IQGAP1: variants seen among roughly 807,000 people sequenced by gnomAD.
IQGAP1 encodes IQ motif containing GTPase activating protein 1.
A neutral mutation model predicts 215.6 loss-of-function variants in IQGAP1; 66 were observed. That is an observed-to-expected ratio of 0.31 (90% CI 0.25 to 0.38). The LOEUF (loss-of-function observed/expected upper bound fraction) is 0.38, where lower values mean the gene tolerates loss of function less well. IQGAP1 is among the 10% of genes least tolerant of loss of function. The pLI is 1.00. For synonymous variants in IQGAP1, 772 were observed against 728.7 expected (o/e 1.06, Z -0.96); for missense variants, 1,712 against 1,997.1 (o/e 0.86, Z 2.72).
intron 26 of IQGAP1, among the ~76,000 whole-genome samples, chr15:90,481,517 A>G (rs1025232437): frequency 1.3e-5 from 2 of 151,798 alleles, no homozygotes; most frequent in Non-Finnish European, 2.9e-5. Flanking sequence ...TCCTTCCTAG[A>G]AGACTCTTCC....
At chr15:90,404,036 C>A (rs1417113395) in intron 2 of IQGAP1, among the ~76,000 whole-genome samples, 1 of 152,106 alleles carries the variant, frequency 6.6e-6, no homozygotes, top group Non-Finnish European at 1.5e-5. Context: ...TTTTCCTTCA[C>A]AGTTTTAGTT....
chr15:90,459,627 A>C (rs1341871006), intron 15 of IQGAP1, among the ~76,000 whole-genome samples: 2 of 152,226 alleles, frequency 1.3e-5, no homozygotes, highest in Non-Finnish European at 2.9e-5. Context: ...AAATTGCTTA[A>C]CATTGCCAGG....
chr15:90,439,318 A>T lies in IQGAP1; in HGVS notation c.468-14A>T. The T allele has an allele frequency of 6.2e-7, 1 of 1,610,626 alleles. No homozygotes were observed. Among genetic ancestry groups the T allele is most frequent in the Non-Finnish European group, 8.5e-7 (1 of 1,177,692 alleles). On this transcript the variant is annotated splice_polypyrimidine_tract_variant and intron_variant, in intron 5 of 37. Transcript: ENST00000268182. ...AGCTGGGAGGCCTAACCTTTTGCAT[A>T]TTGTATCTTCTAGTTTGTACCTGTT... is the stretch of plus-strand genomic sequence containing the variant.
Position 90,473,804 on chromosome 15 carries a change from G to A in IQGAP1, c.2433+6G>A, listed in dbSNP as rs1965938598. ...ACAAAGATGAAGTTGTAAAGGTATG[G>A]TAGCCTGAACAGGGTTTCTCCATGA... On this transcript the variant is annotated splice_donor_region_variant and intron_variant, in intron 20 of 37. Transcript: ENST00000268182. 7 of 1,612,426 alleles carry A rather than the reference G, an allele frequency of 4.3e-6. No individual in the cohort carries two copies. Among genetic ancestry groups the A allele is most frequent in the Middle Eastern group, 3.3e-4 (2 of 6,060 alleles).
At chr15:90,467,916 C>G (rs143368352) in intron 18 of IQGAP1, among the ~76,000 whole-genome samples, 1 of 152,200 alleles carries the variant, frequency 6.6e-6, no homozygotes, top group Non-Finnish European at 1.5e-5. Context: ...AGTCTCTCTT[C>G]TAACTGTTCC....
intron 4 of IQGAP1, chr15:90,431,134 A>G (rs1965297368): frequency 1.3e-5 from 2 of 151,172 alleles, no homozygotes; most frequent in Non-Finnish European, 3.0e-5. Context: ...TACAACAGAT[A>G]TGCATTGTTG....
intron 3 of IQGAP1, among the ~76,000 whole-genome samples, chr15:90,427,235 C>G (rs1567122647): frequency 6.6e-6 from 1 of 152,228 alleles, no homozygotes; most frequent in East Asian, 1.9e-4. Flanking sequence ...GCACTCCCAC[C>G]TGTCTCTTAA....
At chr15:90,478,261 G>A (rs977483304) in intron 26 of IQGAP1, among the ~76,000 whole-genome samples, 1 of 152,186 alleles carries the variant, frequency 6.6e-6, no homozygotes, top group Non-Finnish European at 1.5e-5. Flanking sequence ...AAAGTGCTGT[G>A]ATTACAGCTG....
chr15:90,440,233 A>T (rs16944424), intron 6 of IQGAP1, among the ~76,000 whole-genome samples: 3 of 152,136 alleles, frequency 2.0e-5, no homozygotes, highest in Admixed American at 2.0e-4. Flanking sequence ...AGGAAATGCC[A>T]TAAGTAGCAA....
intron 37 of IQGAP1, 57 bp downstream of exon 37, chr15:90,497,397 G>A (rs867015585): frequency 3.0e-5 from 26 of 859,966 alleles, no homozygotes; most frequent in Middle Eastern, 4.4e-4. Flanking sequence ...TGTCCAAGTA[G>A]GAGAAATAGA....
rs556529344 is a variant in IQGAP1, at chr15:90,413,154, ATTATG to A, written c.156-12954_156-12950del. The stretch of plus-strand genomic sequence containing the variant: ...TATCAGTAAGACAAGATAGACAGGT[ATTATG>A]TAAATCATGGAGTGTCAGACTCCAT... On this transcript the variant is annotated intron_variant, in intron 2 of 37. Coordinates refer to ENST00000268182, the MANE Select transcript of IQGAP1 (RefSeq NM_003870.4). Among the ~76,000 whole-genome samples, 47 of 152,274 alleles carry A rather than the reference ATTATG, an allele frequency of 3.1e-4. No homozygotes were observed. In the South Asian group the frequency reaches 5.6e-3, roughly 18 times the overall value.
chr15:90,415,975 CT>C (rs60569648), intron 2 of IQGAP1, among the ~76,000 whole-genome samples: 87,154 of 151,384 alleles, frequency 0.58, 26,870 homozygotes, highest in East Asian at 0.83. Context: ...TGTTTTCAGC[CT>C]TTTTTTTTGT....
chr15:90,441,753 A>T (rs1965454246), intron 8 of IQGAP1, 69 bp downstream of exon 8: 1 of 1,120,552 alleles, frequency 8.9e-7, no homozygotes. Flanking sequence ...GCTCCAGTTT[A>T]AACATCAGTT....
rs562153567 is a variant in IQGAP1, at chr15:90,433,913, A to G, written c.467+118A>G. On this transcript the variant is annotated intron_variant, in intron 5 of 37. Coordinates refer to ENST00000268182, the MANE Select transcript of IQGAP1 (RefSeq NM_003870.4). ...TTTTTGATTAGTTTCAAAAGTTCCA[A>G]ATAGGATAAAATACTATTATCCGAA... is the stretch of plus-strand genomic sequence containing the variant. The G allele has an allele frequency of 1.4e-4, 73 of 537,068 alleles. No individual in the cohort carries two copies. The East Asian group carries it at 2.1e-3, about 16-fold the overall frequency. The allele number at this position is 537,068 out of a possible 1,614,324, so 33.3% of individuals were successfully genotyped here.
chr15:90,394,244 C>T (rs1248581431), intron 2 of IQGAP1, among the ~76,000 whole-genome samples: 1 of 150,502 alleles, frequency 6.6e-6, no homozygotes, highest in African/African-American at 2.5e-5. Context: ...CCTAGCACAC[C>T]CTGCCCATTG....
chr15:90,399,729 T>A (rs1396441057), intron 2 of IQGAP1, among the ~76,000 whole-genome samples: 1 of 152,160 alleles, frequency 6.6e-6, no homozygotes, highest in Non-Finnish European at 1.5e-5. Context: ...GGGGAACTTA[T>A]CCCGAACTTC....
intron 1 of IQGAP1, 24 bp from the exon 2 acceptor site, chr15:90,390,750 T>C (rs1596243143): frequency 6.7e-7 from 1 of 1,491,658 alleles, no homozygotes; most frequent in Non-Finnish European, 9.4e-7. Context: ...TCCTGGTGTT[T>C]ACATTCTTTC....
chr15:90,495,503 A>G (rs1966259175), intron 36 of IQGAP1, among the ~76,000 whole-genome samples: 1 of 152,148 alleles, frequency 6.6e-6, no homozygotes, highest in African/African-American at 2.4e-5. Flanking sequence ...CTGTAATTCC[A>G]CAAGCCAGAG....
chr15:90,497,284 G>A lies in IQGAP1; in HGVS notation c.4804G>A (p.Glu1602Lys). 4 of 1,611,856 alleles carry A rather than the reference G, an allele frequency of 2.5e-6. No individual in the cohort carries two copies. Among genetic ancestry groups the A allele is most frequent in the East Asian group, 4.5e-5 (2 of 44,880 alleles). ...TCCAACAGAAGAAGTTGGAGACTTC[G>A]AAGTGAAAGCCAAATTCATGGGAGT... Reference protein sequence around the residue: ...ISPTEEVGDFEVKAKFMGVQM... With the variant: ...ISPTEEVGDFKVKAKFMGVQM... Residue 1602 changes from glutamate (E) to lysine (K), a missense_variant, in exon 37 of 38, where the codon GAA becomes AAA. Physicochemically the swap from Glu to Lys is moderately conservative, Grantham distance 56 (BLOSUM62 1). Around this residue, in one of 2 missense-constraint regions of IQGAP1, gnomAD observed 691 missense variants for 923.0 expected, o/e 0.75. Transcript: ENST00000268182.
Sources: gnomAD v4.1 joint callset for allele counts (sites outside exome capture counted in the v4.1 genomes callset) on GRCh38, gnomAD v4.1.1 for gene constraint, gnomAD v4.1.1 regional missense constraint, MANE v1.5 for transcripts, NCBI Gene and HGNC (gene_info 2026-07-23, HGNC 2026-07-21) for gene names.